Variants in C8orf34 observed in about 807,000 individuals in gnomAD.
The protein encoded by C8orf34 is chromosome 8 open reading frame 34.
A neutral mutation model predicts 68.3 loss-of-function variants in C8orf34; 65 were observed. The observed-to-expected ratio is 0.95, with a 90% CI of 0.78 to 1.17. C8orf34 has a LOEUF of 1.17. Ranked by LOEUF, C8orf34 falls within the 50% of genes most tolerant of loss-of-function variation. The pLI, the probability that C8orf34 is intolerant of heterozygous loss-of-function variation, is 0.00. For missense variants in C8orf34, 664 were observed against 655.4 expected (o/e 1.01, Z -0.14); for synonymous variants, 244 against 241.2 (o/e 1.01, Z -0.11).
intron 8 of C8orf34, among the ~76,000 whole-genome samples, chr8:68,684,207 C>A (rs1261011859): frequency 1.3e-5 from 2 of 152,032 alleles, no homozygotes; most frequent in African/African-American, 2.4e-5. Context: ...TGTGATGGGG[C>A]TTCCTTCTGA....
chr8:68,718,451 C>A (rs2129526354), intron 9 of C8orf34, among the ~76,000 whole-genome samples: 1 of 152,300 alleles, frequency 6.6e-6, no homozygotes, highest in South Asian at 2.1e-4. Context: ...AAGCTCCTTT[C>A]TTGAAATGCC....
chr8:68,356,827 A>G (rs1459028742), intron 1 of C8orf34, among the ~76,000 whole-genome samples: 2 of 152,154 alleles, frequency 1.3e-5, no homozygotes, highest in African/African-American at 4.8e-5. Flanking sequence ...TCCCTTTAAT[A>G]TAAAAAAGAT....
chr8:68,462,585 C>A (rs376381330), intron 3 of C8orf34, among the ~76,000 whole-genome samples: 15,369 of 149,124 alleles, frequency 0.1, 890 homozygotes, highest in African/African-American at 0.14. Context: ...AATTATAACA[C>A]ACTGTCTCTC....
At chr8:68,375,672 A>C (rs1347482833) in intron 1 of C8orf34, among the ~76,000 whole-genome samples, 2 of 152,216 alleles carry the variant, frequency 1.3e-5, no homozygotes, top group Non-Finnish European at 2.9e-5. Context: ...GTCCTTGGGA[A>C]TATTACCTTG....
At chr8:68,676,522 C>G (rs1424456595) in intron 8 of C8orf34, among the ~76,000 whole-genome samples, 1 of 152,054 alleles carries the variant, frequency 6.6e-6, no homozygotes, top group Non-Finnish European at 1.5e-5. Context: ...CATTATAAAC[C>G]AAATGGACCT....
intron 1 of C8orf34, among the ~76,000 whole-genome samples, chr8:68,418,997 A>C (rs1279486244): frequency 8.1e-5 from 12 of 149,004 alleles, no homozygotes; most frequent in Admixed American, 7.3e-4. Flanking sequence ...TAATTAAACT[A>C]AAGAGCTTCT....
At chr8:68,528,837 C>A (rs1447059243) in intron 6 of C8orf34, among the ~76,000 whole-genome samples, 3 of 152,188 alleles carry the variant, frequency 2.0e-5, no homozygotes, top group Non-Finnish European at 2.9e-5. Context: ...GAGAAAATAG[C>A]TGCAGTCATA....
At chr8:68,747,882 CTACTT>C (rs1239147120) in intron 10 of C8orf34, among the ~76,000 whole-genome samples, 1 of 152,126 alleles carries the variant, frequency 6.6e-6, no homozygotes, top group East Asian at 1.9e-4. Context: ...TTGGAAAAAA[CTACTT>C]TAATGTTCAT....
At position 68,818,543 on chromosome 8, in the gene C8orf34, T is replaced by C. The variant is rs1370682048; in HGVS notation, c.*297T>C. 1.1e-5 allele frequency: 3 copies of C among 282,136 alleles called. No individual in the cohort carries two copies. Among genetic ancestry groups the C allele is most frequent in the Non-Finnish European group, 1.9e-5 (3 of 154,320 alleles). The allele number at this position is 282,136 out of a possible 1,614,324, so 17.5% of individuals were successfully genotyped here. On this transcript the variant is annotated 3_prime_UTR_variant, in exon 14 of 14. Transcript: ENST00000518698. ...TAAGATTAATATTTGATATATTAAA[T>C]ATTGCCTGATTCAAATAACTTTGCT...
chr8:68,776,992 C>A (rs1396903118), intron 11 of C8orf34, among the ~76,000 whole-genome samples: 2 of 152,196 alleles, frequency 1.3e-5, no homozygotes, highest in African/African-American at 2.4e-5. Context: ...TGCCATGGAA[C>A]TTTGGACTGA....
chr8:68,640,477 A>G lies in C8orf34; in HGVS notation c.1207A>G (p.Lys403Glu). 5 of 1,614,014 alleles carry G rather than the reference A, an allele frequency of 3.1e-6. No individual in the cohort carries two copies. Among genetic ancestry groups the G allele is most frequent in the Non-Finnish European group, 3.4e-6 (4 of 1,179,906 alleles). The change falls in exon 8 of 14, where the codon AAG (lysine) becomes GAG (glutamate). Residue 403 changes from lysine to glutamate, a missense_variant. By Grantham distance (56) the Lys-to-Glu change is moderately conservative (BLOSUM62 1). Coordinates refer to ENST00000518698, the MANE Select transcript of C8orf34 (RefSeq NM_052958.4). ...TACTTACCCTGCTGAGCCTCAGGCCAAGGTCACACTGAACATCTGTTCAAG... is the reference window on the plus strand; with the variant it reads ...TACTTACCCTGCTGAGCCTCAGGCCGAGGTCACACTGAACATCTGTTCAAG... Reference protein sequence around the residue: ...RPTYPAEPQAKVTLNICSRCA... With the variant: ...RPTYPAEPQAEVTLNICSRCA...
At chr8:68,440,521 C>A (rs1810855862) in intron 2 of C8orf34, among the ~76,000 whole-genome samples, 5 of 152,110 alleles carry the variant, frequency 3.3e-5, no homozygotes, top group Admixed American at 3.3e-4. Context: ...TCTATGATGT[C>A]ATTTATCCAC....
chr8:68,422,432 C>T (rs1810020048), intron 1 of C8orf34, among the ~76,000 whole-genome samples: 1 of 152,144 alleles, frequency 6.6e-6, no homozygotes, highest in Non-Finnish European at 1.5e-5. Flanking sequence ...CTTAAAGTTC[C>T]AAAATAATCT....
chr8:68,447,925 G>C (rs1185411506), intron 3 of C8orf34: 1 of 152,152 alleles, frequency 6.6e-6, no homozygotes, highest in Non-Finnish European at 1.5e-5. Flanking sequence ...TTTTACAACA[G>C]TATAGCCAGT....
At chr8:68,605,574 AGAG>A (rs1388096899) in intron 7 of C8orf34, among the ~76,000 whole-genome samples, 1 of 152,114 alleles carries the variant, frequency 6.6e-6, no homozygotes, top group African/African-American at 2.4e-5. Flanking sequence ...GAGGCAGCGA[AGAG>A]GAGGAGACAC....
intron 7 of C8orf34, among the ~76,000 whole-genome samples, chr8:68,607,377 A>T (rs1817886514): frequency 1.3e-5 from 2 of 152,062 alleles, no homozygotes; most frequent in Non-Finnish European, 2.9e-5. Flanking sequence ...TTTCTCCTGG[A>T]GCCTGTCTCA....
intron 5 of C8orf34, among the ~76,000 whole-genome samples, chr8:68,520,874 A>T (rs1292127536): frequency 6.6e-6 from 1 of 152,192 alleles, no homozygotes; most frequent in Non-Finnish European, 1.5e-5. Flanking sequence ...TTAAAAATAT[A>T]TTTTTCTCAT....
chr8:68,519,229 A>G (rs575912219), intron 5 of C8orf34, among the ~76,000 whole-genome samples: 1 of 152,360 alleles, frequency 6.6e-6, no homozygotes, highest in Non-Finnish European at 1.5e-5. Flanking sequence ...AATTGTAAAC[A>G]TAAACACAAA....
At chr8:68,455,583 G>A (rs2129628035) in intron 3 of C8orf34, among the ~76,000 whole-genome samples, 1 of 151,924 alleles carries the variant, frequency 6.6e-6, no homozygotes, top group South Asian at 2.1e-4. Flanking sequence ...TATTTGCATG[G>A]AATATCTTTT....
Sources: allele counts gnomAD v4.1 joint callset (sites outside exome capture counted in the v4.1 genomes callset), GRCh38; gene constraint gnomAD v4.1.1; transcripts MANE v1.5; gene names NCBI Gene and HGNC (gene_info 2026-07-23, HGNC 2026-07-21).